SOX5: variants seen among roughly 807,000 people sequenced by gnomAD.
SOX5 encodes transcription factor SOX-5.
Under a neutral mutation model 92.0 loss-of-function variants are expected in SOX5, and 9 were observed. The observed-to-expected ratio is 0.10, with a 90% CI of 0.06 to 0.17. The LOEUF is 0.17. Ranked by LOEUF, SOX5 falls within the 10% of genes least tolerant of loss-of-function variation. The probability of loss-of-function intolerance (pLI) is 1.00; values close to 1 mark genes in which losing one functional copy is unlikely to be tolerated. For missense variants in SOX5, 642 were observed against 944.5 expected (o/e 0.68, Z 4.20); for synonymous variants, 344 against 336.3 (o/e 1.02, Z -0.25).
intron 3 of SOX5, among the ~76,000 whole-genome samples, chr12:23,808,683 T>C (rs1244773703): frequency 6.6e-6 from 1 of 152,180 alleles, no homozygotes; most frequent in Non-Finnish European, 1.5e-5. Context: ...TCCATAGTTT[T>C]ATGGATTAGG....
intron 4 of SOX5, among the ~76,000 whole-genome samples, chr12:24,072,200 G>C (rs1390069450): frequency 1.3e-5 from 2 of 152,166 alleles, no homozygotes; most frequent in Non-Finnish European, 2.9e-5. Context: ...GTGTTAAAAG[G>C]AGAAGGGGAA....
intron 4 of SOX5, among the ~76,000 whole-genome samples, chr12:24,003,114 ATG>A (rs1951784997): frequency 6.6e-6 from 1 of 152,108 alleles, no homozygotes; most frequent in Admixed American, 6.6e-5. Context: ...ACACCTATTC[ATG>A]GTAGAAATTC....
chr12:24,211,751 G>C (rs968478551), intron 4 of SOX5, among the ~76,000 whole-genome samples: 2 of 152,158 alleles, frequency 1.3e-5, no homozygotes, highest in Admixed American at 6.5e-5. Flanking sequence ...GAGTTATTTA[G>C]ACTTGTGAAA....
At chr12:23,728,500 T>A (rs961056746) in intron 6 of SOX5, among the ~76,000 whole-genome samples, 4 of 152,168 alleles carry the variant, frequency 2.6e-5, no homozygotes, top group African/African-American at 9.6e-5. Flanking sequence ...GTCAGTTAGG[T>A]ACATACTATT....
At chr12:23,828,164 G>A (rs934110519) in intron 3 of SOX5, among the ~76,000 whole-genome samples, 6 of 152,130 alleles carry the variant, frequency 3.9e-5, no homozygotes, top group Admixed American at 3.3e-4. Flanking sequence ...ACCATATTCA[G>A]TTCAGTAACA....
chr12:24,335,709 G>A (rs1311245713), intron 2 of SOX5, among the ~76,000 whole-genome samples: 5 of 151,812 alleles, frequency 3.3e-5, no homozygotes, highest in Admixed American at 6.6e-5. Flanking sequence ...GACAGTGCTG[G>A]CATTTTGAAA....
chr12:24,544,938 T>C (rs1222605659), intron 1 of SOX5, among the ~76,000 whole-genome samples: 1 of 152,360 alleles, frequency 6.6e-6, no homozygotes, highest in East Asian at 1.9e-4. Flanking sequence ...TCTGATTTTA[T>C]AGATATTCTT....
rs141611937 is a variant in SOX5 at position 23,662,295 on chromosome 12, T to C, written c.931+3149A>G. ...AAAGCAATAACTAGATATGGATCCA[T>C]GCAGTGGTTTCATGTGTAATTCCAT... On this transcript the variant is annotated intron_variant, in intron 7 of 14. Coordinates refer to ENST00000451604, the MANE Select transcript of SOX5 (RefSeq NM_006940.6). 4.0e-3 allele frequency among the ~76,000 whole-genome samples: 605 copies of C among 152,274 alleles called. 3 individuals carry two copies. The highest frequency in any genetic ancestry group is 0.014 in the African/African-American group (578 of 41,562).
At chr12:24,237,831 CA>C (rs1489524832) in intron 3 of SOX5, 1 of 152,178 alleles carries the variant, frequency 6.6e-6, no homozygotes, top group African/African-American at 2.4e-5. Flanking sequence ...GCATCAAGCA[CA>C]AATGATGATC....
intron 9 of SOX5, among the ~76,000 whole-genome samples, chr12:23,588,503 G>GAAT (rs1225144620): frequency 6.6e-6 from 1 of 151,878 alleles, no homozygotes; most frequent in Non-Finnish European, 1.5e-5. Flanking sequence ...AACATTAAAA[G>GAAT]AATAATAAAT....
chr12:24,200,715 G>A (rs1957434758), intron 4 of SOX5, among the ~76,000 whole-genome samples: 1 of 152,164 alleles, frequency 6.6e-6, no homozygotes, highest in South Asian at 2.1e-4. Context: ...ACTCTGGCAG[G>A]TATTGCAGGT....
chr12:24,012,809 G>A (rs559583979), intron 4 of SOX5, among the ~76,000 whole-genome samples: 49 of 152,214 alleles, frequency 3.2e-4, no homozygotes, highest in African/African-American at 1.1e-3. Flanking sequence ...GGGTGAACAG[G>A]GGTAAATCAG....
chr12:23,681,722 AAAT>A (rs2086656705), intron 6 of SOX5, among the ~76,000 whole-genome samples: 1 of 151,818 alleles, frequency 6.6e-6, no homozygotes, highest in African/African-American at 2.4e-5. Context: ...AGTGTTATAG[AAAT>A]AATATAAAGT....
intron 4 of SOX5, among the ~76,000 whole-genome samples, chr12:24,141,443 G>T (rs1188521230): frequency 6.6e-6 from 1 of 152,162 alleles, no homozygotes; most frequent in African/African-American, 2.4e-5. Context: ...TTGATGAAAA[G>T]AACACAGGCC....
chr12:23,777,058 G>C (rs1253795984), intron 3 of SOX5, among the ~76,000 whole-genome samples: 1 of 151,986 alleles, frequency 6.6e-6, no homozygotes, highest in Non-Finnish European at 1.5e-5. Context: ...AGTTCTAGGA[G>C]AACTGGAAGT....
intron 3 of SOX5, among the ~76,000 whole-genome samples, chr12:24,259,769 C>A (rs531680140): frequency 2.0e-5 from 3 of 152,188 alleles, no homozygotes; most frequent in African/African-American, 7.2e-5. Context: ...TATAAAAGAA[C>A]AAAATAAAAG....
intron 2 of SOX5, among the ~76,000 whole-genome samples, chr12:24,305,101 G>C (rs1225546865): frequency 6.6e-6 from 1 of 152,196 alleles, no homozygotes; most frequent in African/African-American, 2.4e-5. Context: ...CAGGCTGGTA[G>C]AATTGTGGCC....
At chr12:23,980,615 A>G (rs983708086) in intron 4 of SOX5, among the ~76,000 whole-genome samples, 2 of 152,172 alleles carry the variant, frequency 1.3e-5, no homozygotes, top group Non-Finnish European at 2.9e-5. Flanking sequence ...CCAAATGACA[A>G]CATTTCTGGT....
At chr12:23,688,272 G>A (rs979758303) in intron 6 of SOX5, among the ~76,000 whole-genome samples, 3 of 151,880 alleles carry the variant, frequency 2.0e-5, no homozygotes, top group East Asian at 1.9e-4. Flanking sequence ...TTATTTTTTA[G>A]ACATGTGACA....
Sources: gnomAD v4.1 joint callset for allele counts (sites outside exome capture counted in the v4.1 genomes callset) on GRCh38, gnomAD v4.1.1 for gene constraint, MANE v1.5 for transcripts, NCBI Gene and HGNC (gene_info 2026-07-23, HGNC 2026-07-21) for gene names.